The following KPNA6 variants were observed in gnomAD, a reference collection of about 807,000 sequenced individuals.
KPNA6 encodes the protein karyopherin subunit alpha 6.
Under a neutral mutation model 72.0 loss-of-function variants are expected in KPNA6, and 9 were observed. The observed-to-expected ratio is 0.13, with a 90% CI of 0.08 to 0.22. The LOEUF is 0.22. Ranked by LOEUF, KPNA6 falls within the 10% of genes least tolerant of loss-of-function variation. The pLI, the probability that KPNA6 is intolerant of heterozygous loss-of-function variation, is 1.00. For synonymous variants in KPNA6, 219 were observed against 242.1 expected (o/e 0.90, Z 0.89); for missense variants, 374 against 655.7 (o/e 0.57, Z 4.69).
At chr1:32,158,106 C>G (rs1179231984) in intron 4 of KPNA6, among the ~76,000 whole-genome samples, 161 bp from the exon 5 acceptor site, 1 of 152,108 alleles carries the variant, frequency 6.6e-6, no homozygotes, top group Non-Finnish European at 1.5e-5. Flanking sequence ...TTATACAGTT[C>G]AAAGACGAGT....
At chr1:32,149,718 G>A (rs964087986) in intron 1 of KPNA6, among the ~76,000 whole-genome samples, 22 of 152,048 alleles carry the variant, frequency 1.4e-4, no homozygotes, top group African/African-American at 5.3e-4. Flanking sequence ...TCTACTTGAA[G>A]ACTTTTAGCA....
intron 1 of KPNA6, chr1:32,143,126 A>G (rs1369692591): frequency 8.1e-6 from 5 of 614,980 alleles, no homozygotes; most frequent in Admixed American, 4.7e-5. Flanking sequence ...GCAGAGGTGC[A>G]GACACAGCTC....
intron 1 of KPNA6, among the ~76,000 whole-genome samples, chr1:32,109,684 C>T (rs1180001057): frequency 3.4e-5 from 5 of 148,886 alleles, no homozygotes; most frequent in African/African-American, 5.0e-5. Context: ...GGCTCTGTTG[C>T]CCAGGCTGGA....
At chr1:32,152,105 G>A (rs149385910) in intron 1 of KPNA6, among the ~76,000 whole-genome samples, 1,582 of 152,124 alleles carry the variant, frequency 0.01, 25 homozygotes, top group Middle Eastern at 0.068. Context: ...TGAGGCAGGG[G>A]GATTGTTGAG....
Position 32,126,161 on chromosome 1 carries a change from T to C in KPNA6, c.4+18027T>C, listed in dbSNP as rs187515254. On this transcript the variant is annotated intron_variant, in intron 1 of 13. Coordinates refer to ENST00000373625, the MANE Select transcript of KPNA6 (RefSeq NM_012316.5). Reference sequence around the variant, plus strand: ...TCGGCCTCCTAAAGTGCTAGAATTATAGGTATGAGCCATCGTGCCTGGCCC... The same window carrying C: ...TCGGCCTCCTAAAGTGCTAGAATTACAGGTATGAGCCATCGTGCCTGGCCC... Among the ~76,000 whole-genome samples, 676 of 151,810 alleles carry C rather than the reference T, an allele frequency of 4.5e-3. 5 individuals are homozygous for C. The highest frequency in any genetic ancestry group is 0.016 in the African/African-American group (647 of 41,388).
At position 32,174,203 on chromosome 1, in the gene KPNA6, AC is replaced by A. The variant is rs1642488686; in HGVS notation, c.*3312del. On this transcript the variant is annotated 3_prime_UTR_variant, in exon 14 of 14. Coordinates refer to ENST00000373625, the MANE Select transcript of KPNA6 (RefSeq NM_012316.5). ...CAGGTGTTGGCCTCAGTTTTCAGGGACCCTTGGTGTTGCTCCTTACCTAGAG... is the reference window on the plus strand; with the variant it reads ...CAGGTGTTGGCCTCAGTTTTCAGGGACCTTGGTGTTGCTCCTTACCTAGAG... 6.6e-6 allele frequency: 1 copy of A among 151,910 alleles called. No individual in the cohort carries two copies. Among genetic ancestry groups the A allele is most frequent in the Admixed American group, 6.6e-5 (1 of 15,254 alleles). The allele number at this position is 151,910 out of a possible 1,614,324, so 9.4% of individuals were successfully genotyped here. A position where few individuals can be genotyped will look rare whatever the true frequency, so the allele number is the denominator to read the frequency against.
chr1:32,139,873 A>G (rs1366612577), intron 1 of KPNA6, among the ~76,000 whole-genome samples: 1 of 152,212 alleles, frequency 6.6e-6, no homozygotes, highest in Non-Finnish European at 1.5e-5. Context: ...TGGTTAGTGT[A>G]TGAGATTCAT....
At chr1:32,134,187 G>A (rs936613731) in intron 1 of KPNA6, among the ~76,000 whole-genome samples, 1 of 151,624 alleles carries the variant, frequency 6.6e-6, no homozygotes, top group Admixed American at 6.6e-5. Context: ...AACCCAGGAG[G>A]CGGAGGTTGC....
chr1:32,137,822 T>C (rs1481262717), intron 1 of KPNA6, among the ~76,000 whole-genome samples: 1 of 152,024 alleles, frequency 6.6e-6, no homozygotes, highest in African/African-American at 2.4e-5. Context: ...AGGTGAATGG[T>C]GATGGCATTA....
intron 5 of KPNA6, among the ~76,000 whole-genome samples, chr1:32,159,022 T>C (rs1041084921): frequency 1.3e-5 from 2 of 152,210 alleles, no homozygotes; most frequent in African/African-American, 4.8e-5. Context: ...AAAGGGACTT[T>C]GAGAGACCCA....
Position 32,158,353 on chromosome 1 carries a change from A to G in KPNA6, c.418A>G (p.Thr140Ala). The G allele has an allele frequency of 6.2e-7, 1 of 1,608,582 alleles. No individual in the cohort carries two copies. Residue 140 changes from threonine to alanine, a missense_variant, in exon 5 of 14, where the codon ACA becomes GCA. Coordinates refer to ENST00000373625, the MANE Select transcript of KPNA6 (RefSeq NM_012316.5). Reference protein sequence around the residue: ...VEFLKRNENCTLQFEAAWALT... With the variant: ...VEFLKRNENCALQFEAAWALT... ...GTTTCTGAAGAGGAATGAGAATTGTACATTACAGGTGAGGCCTGAAGGGAA... is the reference window on the plus strand; with the variant it reads ...GTTTCTGAAGAGGAATGAGAATTGTGCATTACAGGTGAGGCCTGAAGGGAA...
At chr1:32,135,439 C>A (rs1641717203) in intron 1 of KPNA6, among the ~76,000 whole-genome samples, 1 of 151,948 alleles carries the variant, frequency 6.6e-6, no homozygotes, top group Admixed American at 6.6e-5. Flanking sequence ...CTCAAGTGAT[C>A]TGCCTACTTC....
At chr1:32,125,001 C>T (rs570355540) in intron 1 of KPNA6, among the ~76,000 whole-genome samples, 2 of 151,198 alleles carry the variant, frequency 1.3e-5, no homozygotes, top group South Asian at 4.2e-4. Flanking sequence ...CATGCCACCA[C>T]GCCCAGCTAA....
At chr1:32,164,548 CGTTTTTT>C (rs1642297066) in intron 10 of KPNA6, among the ~76,000 whole-genome samples, 3 of 149,228 alleles carry the variant, frequency 2.0e-5, no homozygotes, top group South Asian at 4.4e-4. Context: ...TGTTATTTTC[CGTTTTTT>C]GTTTTTTGTT....
At chr1:32,138,750 T>C (rs996285273) in intron 1 of KPNA6, among the ~76,000 whole-genome samples, 5 of 152,070 alleles carry the variant, frequency 3.3e-5, no homozygotes, top group Non-Finnish European at 5.9e-5. Flanking sequence ...ATGGTGTTAC[T>C]AGAATCATGA....
rs749982838 is a variant in KPNA6 at position 32,167,344 on chromosome 1, C to T, written c.1244+48C>T. 6 of 1,610,938 alleles carry T rather than the reference C, an allele frequency of 3.7e-6. No homozygotes were observed. In the African/African-American group the frequency reaches 8.0e-5, roughly 21 times the overall value. ...TCTTGAATGATAATGGATGCTCTCC[C>T]TGTTTGCTCATGGTTTACAGGTGAC... On this transcript the variant is annotated intron_variant, in intron 12 of 13. Transcript: ENST00000373625.
In KPNA6 at chr1:32,158,286, T is replaced by C. The variant is rs1193738455; in HGVS notation, c.351T>C (p.Asp117=). 2 of 1,612,430 alleles carry C rather than the reference T, an allele frequency of 1.2e-6. No individual in the cohort carries two copies. The highest frequency in any genetic ancestry group is 1.3e-5 in the African/African-American group (1 of 74,894). Residue 117 remains aspartate (D), a synonymous_variant, in exon 5 of 14, where the codon GAT becomes GAC. Coordinates refer to ENST00000373625, the MANE Select transcript of KPNA6 (RefSeq NM_012316.5). ...LLSKEPSPPI[D]EVINTPRVVD... is the part of the protein sequence containing the mutation. The stretch of plus-strand genomic sequence containing the variant: ...ATCCAGAGCCTAGTCCTCCAATAGA[T>C]GAAGTTATCAACACTCCAAGAGTGG...
intron 1 of KPNA6, among the ~76,000 whole-genome samples, chr1:32,143,582 A>G (rs528312940): frequency 1.4e-5 from 2 of 148,094 alleles, no homozygotes; most frequent in East Asian, 2.0e-4. Context: ...TAAAAAAAAA[A>G]AAAAGAAAAG....
chr1:32,169,793 A>T (rs1215205465), intron 12 of KPNA6, 89 bp from the exon 13 acceptor site: 1 of 1,149,986 alleles, frequency 8.7e-7, no homozygotes, highest in Non-Finnish European at 1.2e-6. Flanking sequence ...ATAAATTAGT[A>T]AGAGTGGGTT....
Sources: gnomAD v4.1 joint callset for allele counts (sites outside exome capture counted in the v4.1 genomes callset) on GRCh38, gnomAD v4.1.1 for gene constraint, MANE v1.5 for transcripts, NCBI Gene and HGNC (gene_info 2026-07-23, HGNC 2026-07-21) for gene names.